Variants in KALRN observed in about 807,000 individuals in gnomAD.
KALRN encodes the protein kalirin.
KALRN carries 70 observed loss-of-function variants against 353.7 expected under a neutral mutation model. The ratio of observed to expected loss-of-function variants is 0.20; its 90% CI spans 0.16 to 0.24. The LOEUF is 0.24. KALRN is among the 10% of genes least tolerant of loss of function. KALRN has a pLI of 1.00. For missense variants in KALRN, 2,791 were observed against 3,756.7 expected, an observed-to-expected ratio of 0.74 and a Z score of 6.72; for synonymous variants, 1,391 against 1,434.8, an observed-to-expected ratio of 0.97 and a Z score of 0.69.
intron 33 of KALRN, among the ~76,000 whole-genome samples, chr3:124,543,242 G>C (rs569444338): frequency 4.7e-4 from 71 of 152,026 alleles, no homozygotes; most frequent in African/African-American, 1.5e-3. Flanking sequence ...CACTCAAGTA[G>C]AGGAGAGAGG....
chr3:124,618,188 A>C (rs1318048205), intron 34 of KALRN, among the ~76,000 whole-genome samples: 1 of 134,760 alleles, frequency 7.4e-6, no homozygotes, highest in South Asian at 2.4e-4. Flanking sequence ...GGCTCACTGC[A>C]AGCTCCGCCT....
At chr3:124,233,747 G>A (rs150506735) in intron 2 of KALRN, among the ~76,000 whole-genome samples, 62 of 152,190 alleles carry the variant, frequency 4.1e-4, no homozygotes, top group African/African-American at 1.4e-3. Flanking sequence ...TTCCAGTATT[G>A]GTGAGGTTCG....
intron 31 of KALRN, among the ~76,000 whole-genome samples, chr3:124,492,238 A>G (rs2063244086): frequency 6.6e-6 from 1 of 152,372 alleles, no homozygotes; most frequent in East Asian, 1.9e-4. Context: ...AAATGATAGC[A>G]GTGCCTTTAG....
chr3:124,288,168 C>T (rs1342858457), intron 5 of KALRN, among the ~76,000 whole-genome samples: 1 of 152,110 alleles, frequency 6.6e-6, no homozygotes, highest in Non-Finnish European at 1.5e-5. Flanking sequence ...AGCCATCATG[C>T]CCAGCCAGGA....
At chr3:124,097,359 A>G (rs1040425348) in intron 1 of KALRN, among the ~76,000 whole-genome samples, 1 of 152,248 alleles carries the variant, frequency 6.6e-6, no homozygotes, top group Non-Finnish European at 1.5e-5. Context: ...GATCTTTCTT[A>G]AGTGTAACAG....
intron 13 of KALRN, among the ~76,000 whole-genome samples, chr3:124,412,732 C>A (rs986709882): frequency 1.3e-5 from 2 of 152,198 alleles, no homozygotes; most frequent in African/African-American, 4.8e-5. Flanking sequence ...ATCATTAATG[C>A]CTTTCAATTG....
At chr3:124,139,475 C>G (rs1384866698) in intron 1 of KALRN, among the ~76,000 whole-genome samples, 5 of 152,150 alleles carry the variant, frequency 3.3e-5, no homozygotes, top group African/African-American at 9.7e-5. Context: ...ATGTACTAGG[C>G]CCTGCACAGT....
chr3:124,176,064 A>C (rs1578987329), intron 1 of KALRN, among the ~76,000 whole-genome samples: 1 of 151,000 alleles, frequency 6.6e-6, no homozygotes, highest in Non-Finnish European at 1.5e-5. Flanking sequence ...CTTCCTTTCC[A>C]CCCATCCCTG....
chr3:124,534,599 G>T (rs1383558616), intron 33 of KALRN, among the ~76,000 whole-genome samples: 2 of 152,116 alleles, frequency 1.3e-5, no homozygotes, highest in African/African-American at 4.8e-5. Context: ...TGAAGAGAGA[G>T]TATTGATGGA....
chr3:124,073,320 C>G (rs1262921531), intron 1 of KALRN, among the ~76,000 whole-genome samples: 1 of 152,208 alleles, frequency 6.6e-6, no homozygotes, highest in East Asian at 1.9e-4. Context: ...CAGTAAATGG[C>G]CCACTCCTTT....
At chr3:124,514,923 G>C (rs1405361893) in intron 33 of KALRN, among the ~76,000 whole-genome samples, 1 of 152,156 alleles carries the variant, frequency 6.6e-6, no homozygotes, top group Non-Finnish European at 1.5e-5. Flanking sequence ...GCAGAGCATG[G>C]CATGAGTCAG....
At chr3:124,419,625 C>T (rs1329840356) in intron 14 of KALRN, among the ~76,000 whole-genome samples, 3 of 152,082 alleles carry the variant, frequency 2.0e-5, no homozygotes, top group Non-Finnish European at 4.4e-5. Flanking sequence ...GAGATGGATA[C>T]GACTGACATG....
intron 33 of KALRN, among the ~76,000 whole-genome samples, chr3:124,531,228 C>T (rs538819096): frequency 1.3e-5 from 2 of 152,298 alleles, no homozygotes; most frequent in South Asian, 4.1e-4. Context: ...GTTATATATC[C>T]AGAAGGCAGA....
intron 14 of KALRN, 109 bp from the exon 15 acceptor site, chr3:124,422,703 G>C (rs1676022761): frequency 3.6e-6 from 3 of 843,788 alleles, no homozygotes; most frequent in Admixed American, 4.9e-5. Flanking sequence ...GTTTGGGAGG[G>C]TATGAATAAT....
intron 1 of KALRN, among the ~76,000 whole-genome samples, chr3:124,189,935 CAAAAAA>C (rs1218193851): frequency 1.4e-5 from 1 of 69,456 alleles, no homozygotes; most frequent in Non-Finnish European, 3.1e-5. Flanking sequence ...AAGACTCTGT[CAAAAAA>C]AAAAAAAAAA....
At chr3:124,498,147 T>C (rs1394907128) in intron 33 of KALRN, among the ~76,000 whole-genome samples, 6 of 152,190 alleles carry the variant, frequency 3.9e-5, no homozygotes. Flanking sequence ...TTTTCGTGTT[T>C]TCCCCCACTC....
Position 124,585,096 on chromosome 3 carries a change from G to A in KALRN, c.5182+22007G>A, listed in dbSNP as rs545537645. Among the ~76,000 whole-genome samples the A allele has an allele frequency of 2.0e-5, 3 of 152,346 alleles. No homozygotes were observed. In the South Asian group the frequency reaches 6.2e-4, roughly 32 times the overall value. ...TCACAGTTTCCCAGACAGAACGCGC[G>A]CGCTCGCTGGCTGGCGGTGAGGTTC... On this transcript the variant is annotated intron_variant, in intron 34 of 59. Coordinates refer to ENST00000682506, the MANE Select transcript of KALRN (RefSeq NM_001388419.1).
chr3:124,701,608 A>G (rs1447171516), intron 56 of KALRN, among the ~76,000 whole-genome samples: 1 of 151,858 alleles, frequency 6.6e-6, no homozygotes, highest in African/African-American at 2.4e-5. Flanking sequence ...GGTTAGAAAG[A>G]GAAATTTCTA....
chr3:124,492,551 G>T (rs1395191414), intron 31 of KALRN, among the ~76,000 whole-genome samples, 189 bp from the exon 32 acceptor site: 1 of 152,214 alleles, frequency 6.6e-6, no homozygotes, highest in Non-Finnish European at 1.5e-5. Flanking sequence ...TGAGGTCGGA[G>T]CACTGTTCTG....
Sources: allele counts gnomAD v4.1 joint callset (sites outside exome capture counted in the v4.1 genomes callset), GRCh38; gene constraint gnomAD v4.1.1; transcripts MANE v1.5; gene names NCBI Gene and HGNC (gene_info 2026-07-23, HGNC 2026-07-21).